The following NADK variants were observed in gnomAD, a reference collection of about 807,000 sequenced individuals.
The protein encoded by NADK is poly(P)/ATP NAD kinase.
A neutral mutation model predicts 49.8 loss-of-function variants in NADK; 22 were observed. That is an observed-to-expected ratio of 0.44 (90% confidence interval 0.32 to 0.63). The LOEUF (loss-of-function observed/expected upper bound fraction) is 0.63. Among genes scored for constraint, NADK ranks in the 30% least tolerant of loss-of-function variants. The pLI, the probability that NADK is intolerant of heterozygous loss-of-function variation, is 0.06. For missense variants in NADK, 438 were observed against 609.4 expected (o/e 0.72, Z 2.96); for synonymous variants, 268 against 253.7 (o/e 1.06, Z -0.54).
Position 1,765,221 on chromosome 1 carries a change from G to A in NADK, c.179+7C>T, listed in dbSNP as rs1645849366. 1 of 1,579,066 alleles carries A rather than the reference G, an allele frequency of 6.3e-7. No individual in the cohort carries two copies. Among genetic ancestry groups the A allele is most frequent in the Non-Finnish European group, 8.6e-7 (1 of 1,165,582 alleles). On this transcript the variant is annotated splice_region_variant and intron_variant, in intron 2 of 11. Transcript: ENST00000341426. ...AAAAAAAGAGGAACCATCCCTCCCA[G>A]TTGTACCTGAACTCCTTGGTGCTCC...
intron 6 of NADK, 122 bp downstream of exon 6, chr1:1,756,136 C>T (rs1235807057): frequency 5.3e-6 from 5 of 950,250 alleles, no homozygotes; most frequent in East Asian, 2.5e-5. Context: ...CAGTGCTGGC[C>T]GCTCTAGGTG....
chr1:1,752,625 G>A lies in NADK; in HGVS notation c.*279C>T, dbSNP rs1303779025. ...AAAAATATCCTGGCATGGAAATTGCGGCAGCTGGAGGCCGCGCTCCAGGGA... is the reference window on the plus strand; with the variant it reads ...AAAAATATCCTGGCATGGAAATTGCAGCAGCTGGAGGCCGCGCTCCAGGGA... On this transcript the variant is annotated 3_prime_UTR_variant, in exon 12 of 12. Coordinates refer to ENST00000341426, the MANE Select transcript of NADK (RefSeq NM_023018.5). 5 of 357,834 alleles carry A rather than the reference G, an allele frequency of 1.4e-5. No homozygotes were observed. Among genetic ancestry groups the A allele is most frequent in the African/African-American group, 4.2e-5 (2 of 47,894 alleles). 22.2% of individuals were successfully genotyped at this position (357,834 alleles called of 1,614,324 possible). A position where few individuals can be genotyped will look rare whatever the true frequency, so the allele number is the denominator to read the frequency against.
intron 6 of NADK, 56 bp downstream of exon 6, chr1:1,756,202 G>T: frequency 1.3e-6 from 2 of 1,489,656 alleles, no homozygotes; most frequent in South Asian, 1.1e-5. Context: ...TGAGCCCCTC[G>T]TTACGCAGCA....
chr1:1,757,208 G>A lies in NADK; in HGVS notation c.366C>T (p.Phe122=), dbSNP rs1033346585. The part of the protein sequence containing the change: ...KMRDASLLQP[F]KELCTHLMEE... ...CCATGAGGTGCGTGCAGAGCTCCTTGAACGGCTGCAGTAGGCTGGCATCTC... is the reference window on the plus strand; with the variant it reads ...CCATGAGGTGCGTGCAGAGCTCCTTAAACGGCTGCAGTAGGCTGGCATCTC... Residue 122 remains phenylalanine (F), a synonymous_variant, in exon 4 of 12, where the codon TTC becomes TTT. Coordinates refer to ENST00000341426, the MANE Select transcript of NADK (RefSeq NM_023018.5). 13 of 1,607,148 alleles carry A rather than the reference G, an allele frequency of 8.1e-6. No individual in the cohort carries two copies. Among genetic ancestry groups the A allele is most frequent in the Non-Finnish European group, 1.1e-5 (13 of 1,178,238 alleles).
chr1:1,773,705 T>TGAGA (rs1304393616), intron 1 of NADK, among the ~76,000 whole-genome samples: 1 of 106,270 alleles, frequency 9.4e-6, no homozygotes, highest in East Asian at 3.1e-4. Flanking sequence ...TGTGTGTGTG[T>TGAGA]GTGTGTGTGT....
chr1:1,755,573 G>A, intron 6 of NADK, 97 bp from the exon 7 acceptor site: 1 of 880,064 alleles, frequency 1.1e-6, no homozygotes. Flanking sequence ...AGCTCTGTGG[G>A]GACAGCACCC....
At position 1,756,884 on chromosome 1, in the gene NADK, T is replaced by G. The variant is rs749334782; in HGVS notation, c.394-276A>C. 6.2e-6 allele frequency: 5 copies of G among 804,836 alleles called. No individual in the cohort carries two copies. In the Admixed American group the frequency reaches 8.5e-5, roughly 14 times the overall value. 49.9% of individuals were successfully genotyped at this position (804,836 alleles called of 1,614,324 possible). On this transcript the variant is annotated intron_variant, in intron 4 of 11. Transcript: ENST00000341426. Reference sequence around the variant, plus strand: ...GCCGCAACCCCCACGCCTGCTCTTCTGAAGAGAAGACACAGCAGGAAGGCC... The same window carrying G: ...GCCGCAACCCCCACGCCTGCTCTTCGGAAGAGAAGACACAGCAGGAAGGCC...
intron 1 of NADK, among the ~76,000 whole-genome samples, chr1:1,777,574 C>A (rs759075790): frequency 1.5e-5 from 2 of 133,774 alleles, no homozygotes; most frequent in African/African-American, 2.8e-5. Flanking sequence ...ACTTGTTACT[C>A]GGAATCGAAG....
intron 1 of NADK, among the ~76,000 whole-genome samples, chr1:1,775,290 C>T (rs1375131264): frequency 2.0e-5 from 3 of 152,072 alleles, no homozygotes; most frequent in African/African-American, 7.2e-5. Context: ...ACATAATACA[C>T]GAGTTCGTTC....
intron 3 of NADK, chr1:1,758,311 G>A (rs1645596273): frequency 1.9e-6 from 3 of 1,547,528 alleles, no homozygotes; most frequent in Admixed American, 3.7e-5. Context: ...GCAGCCACAG[G>A]GCCACAGACC....
intron 1 of NADK, among the ~76,000 whole-genome samples, chr1:1,767,025 CT>C (rs2100349798): frequency 6.6e-6 from 1 of 152,312 alleles, no homozygotes; most frequent in South Asian, 2.1e-4. Context: ...AGTGATTTTC[CT>C]GCTTCAGCCT....
At position 1,759,117 on chromosome 1, in the gene NADK, C is replaced by T. The variant is rs922195015; in HGVS notation, c.264-1807G>A. Reference sequence around the variant, plus strand: ...ACCACTGACCCAGTGGCCTGGCCTACACCCATTCCAGCCCTGAGGCTCAGC... The same window carrying T: ...ACCACTGACCCAGTGGCCTGGCCTATACCCATTCCAGCCCTGAGGCTCAGC... On this transcript the variant is annotated intron_variant, in intron 3 of 11. Coordinates refer to ENST00000341426, the MANE Select transcript of NADK (RefSeq NM_023018.5). 6 of 1,551,600 alleles carry T rather than the reference C, an allele frequency of 3.9e-6. No homozygotes were observed. The African/African-American group carries it at 8.2e-5, about 21-fold the overall frequency.
chr1:1,761,273 G>A (rs1381926777), intron 3 of NADK, among the ~76,000 whole-genome samples: 3 of 152,194 alleles, frequency 2.0e-5, no homozygotes, highest in Non-Finnish European at 4.4e-5. Flanking sequence ...TTACAGGTGT[G>A]AGCCACCGCA....
At chr1:1,765,753 C>T (rs1645867068) in intron 1 of NADK, among the ~76,000 whole-genome samples, 1 of 151,758 alleles carries the variant, frequency 6.6e-6, no homozygotes, top group South Asian at 2.1e-4. Context: ...CCCGTCTCTA[C>T]TAAAAATACA....
intron 2 of NADK, among the ~76,000 whole-genome samples, chr1:1,764,322 C>T (rs1645820403): frequency 1.3e-5 from 2 of 152,230 alleles, no homozygotes; most frequent in Admixed American, 1.3e-4. Context: ...GAACCGAGAG[C>T]ACCATCCCCA....
rs542522733 is a variant in NADK at position 1,752,656 on chromosome 1, C to T, written c.*248G>A. On this transcript the variant is annotated 3_prime_UTR_variant, in exon 12 of 12. Coordinates refer to ENST00000341426, the MANE Select transcript of NADK (RefSeq NM_023018.5). ...TGGAGGCCGCGCTCCAGGGACCCAC[C>T]GCGGGGTGTCAGCAGGACAGAAGCA... is the stretch of plus-strand genomic sequence containing the variant. 9 of 436,634 alleles carry T rather than the reference C, an allele frequency of 2.1e-5. No individual in the cohort carries two copies. In the South Asian group the frequency reaches 4.7e-4, roughly 23 times the overall value. 27.0% of individuals were successfully genotyped at this position (436,634 alleles called of 1,614,324 possible). A position where few individuals can be genotyped will look rare whatever the true frequency, so the allele number is the denominator to read the frequency against.
intron 7 of NADK, 114 bp downstream of exon 7, chr1:1,755,259 GA>G: frequency 2.6e-6 from 2 of 770,326 alleles, no homozygotes; most frequent in Middle Eastern, 2.4e-4. Context: ...CCTGAATCTT[GA>G]AACCTTTAAA....
Position 1,754,332 on chromosome 1 carries a change from C to G in NADK, c.895G>C (p.Val299Leu). The change falls in exon 9 of 12, where the codon GTG becomes CTG. Residue 299 changes from valine (V) to leucine (L), a missense_variant. Val to Leu is a conservative substitution (Grantham distance 32). Coordinates refer to ENST00000341426, the MANE Select transcript of NADK (RefSeq NM_023018.5). This position sits in a 1 kb window ranked among gnomAD's most constrained non-coding sequence, Gnocchi z 4.3. ...DRGPSSYLSN[V>L]DVYLDGHLIT... is the part of the protein sequence containing the mutation. ...AGGTGTCCGTCCAGGTAGACATCCA[C>G]ATTGGACAGGTAGGAGGAGGGGCCT... 1 of 1,613,974 alleles carries G rather than the reference C, an allele frequency of 6.2e-7. No homozygotes were observed. The highest frequency in any genetic ancestry group is 8.5e-7 in the Non-Finnish European group (1 of 1,179,956).
chr1:1,775,132 T>C (rs1646175696), intron 1 of NADK, among the ~76,000 whole-genome samples: 1 of 151,532 alleles, frequency 6.6e-6, no homozygotes. Flanking sequence ...AAATCCTCTG[T>C]ATTAGGAAGT....
Sources: gnomAD v4.1 joint callset for allele counts (sites outside exome capture counted in the v4.1 genomes callset) on GRCh38, gnomAD v4.1.1 for gene constraint, Gnocchi (gnomAD v3.1) non-coding constraint, MANE v1.5 for transcripts, NCBI Gene and HGNC (gene_info 2026-07-23, HGNC 2026-07-21) for gene names.